Variants in CNKSR3 observed in about 807,000 individuals in gnomAD.
The protein encoded by CNKSR3 is CNKSR family member 3.
CNKSR3 carries 36 observed loss-of-function variants against 67.7 expected under a neutral mutation model. The ratio of observed to expected loss-of-function variants is 0.53; its 90% CI spans 0.41 to 0.70. CNKSR3 has a LOEUF of 0.70. Among genes scored for constraint, CNKSR3 ranks in the 30% least tolerant of loss-of-function variants. The pLI is 0.00. For missense variants in CNKSR3, 630 were observed against 695.2 expected (o/e 0.91, Z 1.05); for synonymous variants, 281 against 271.4 (o/e 1.04, Z -0.35).
At position 154,399,703 on chromosome 6, in the gene CNKSR3, C is replaced by T. The variant is rs545930570; in HGVS notation, c.*6651G>A. The T allele has an allele frequency of 6.6e-6, 1 of 152,112 alleles. No individual in the cohort carries two copies. Among genetic ancestry groups the T allele is most frequent in the Non-Finnish European group, 1.5e-5 (1 of 68,022 alleles). The allele number at this position is 152,112 out of a possible 1,614,324, so 9.4% of individuals were successfully genotyped here. A position where few individuals can be genotyped will look rare whatever the true frequency, so the allele number is the denominator to read the frequency against. Reference sequence around the variant, plus strand: ...TTTAGATATGAGTAAGAAAACGGAACCTGACACTGAGTTAAAAGGACAATT... The same window carrying T: ...TTTAGATATGAGTAAGAAAACGGAATCTGACACTGAGTTAAAAGGACAATT... On this transcript the variant is annotated 3_prime_UTR_variant, in exon 13 of 13. Transcript: ENST00000607772.
Position 154,510,356 on chromosome 6 carries a change from G to A in CNKSR3, c.-242C>T. The A allele has an allele frequency of 1.8e-6, 1 of 541,922 alleles. No individual in the cohort carries two copies. The highest frequency in any genetic ancestry group is 3.2e-6 in the Non-Finnish European group (1 of 309,194). The allele number at this position is 541,922 out of a possible 1,614,324, so 33.6% of individuals were successfully genotyped here. ...GCTCCTCCTTCCCCCGCCGCCGCCG[G>A]GATCCCGGGCACAGCTGCTGCTCCC... is the stretch of plus-strand genomic sequence containing the variant. On this transcript the variant is annotated 5_prime_UTR_variant, in exon 1 of 13. Transcript: ENST00000607772.
intron 4 of CNKSR3, among the ~76,000 whole-genome samples, chr6:154,434,684 C>G (rs1056227717): frequency 3.3e-5 from 5 of 151,978 alleles, no homozygotes; most frequent in African/African-American, 1.2e-4. Flanking sequence ...AAAAGAGCAG[C>G]CTAGAGAGAA....
rs1784573284 is a variant in CNKSR3, at chr6:154,388,488, C to T, written c.*17866G>A. 6.6e-6 allele frequency: 1 copy of T among 152,054 alleles called. No homozygotes were observed. Among genetic ancestry groups the T allele is most frequent in the Non-Finnish European group, 1.5e-5 (1 of 68,016 alleles). The allele number at this position is 152,054 out of a possible 1,614,324, so 9.4% of individuals were successfully genotyped here. A position where few individuals can be genotyped will look rare whatever the true frequency, so the allele number is the denominator to read the frequency against. ...GCAATGAACCTGCAAATGCTAATAC[C>T]TCTTTGGGATCCTGATTTCAATTTT... On this transcript the variant is annotated 3_prime_UTR_variant, in exon 13 of 13. Coordinates refer to ENST00000607772, the MANE Select transcript of CNKSR3 (RefSeq NM_173515.4).
chr6:154,508,448 G>A lies in CNKSR3; in HGVS notation c.52+1615C>T, dbSNP rs1227539373. On this transcript the variant is annotated intron_variant, in intron 1 of 12. Transcript: ENST00000607772. ...TACTGGTTACTAAGTTGGACAGAGC[G>A]GCTCTAGAAGTCAACAGTAGCTGAA... Among the ~76,000 whole-genome samples the A allele has an allele frequency of 3.3e-5, 5 of 152,188 alleles. No individual in the cohort carries two copies. The South Asian group carries it at 1.0e-3, about 32-fold the overall frequency.
intron 1 of CNKSR3, among the ~76,000 whole-genome samples, chr6:154,463,447 C>T (rs1786127418): frequency 6.6e-6 from 1 of 152,186 alleles, no homozygotes; most frequent in African/African-American, 2.4e-5. Context: ...GGGTATTCAC[C>T]GTGGGAAATG....
rs1171789861 is a variant in CNKSR3, at chr6:154,442,222, T to C, written c.285A>G (p.Leu95=). Residue 95 remains leucine (L), a synonymous_variant, in exon 3 of 13, where the codon TTA becomes TTG. Coordinates refer to ENST00000607772, the MANE Select transcript of CNKSR3 (RefSeq NM_173515.4). ...TCCGTCGGCTACTTATGTAATTCTG[T>C]AAATTGTGGGAAGATGCTCTCAGTT... is the stretch of plus-strand genomic sequence containing the variant. ...VLKLRASSHN[L]QNYISSRRKS... 3.1e-6 allele frequency: 5 copies of C among 1,614,214 alleles called. No individual in the cohort carries two copies. The highest frequency in any genetic ancestry group is 3.3e-5 in the Admixed American group (2 of 60,030).
At chr6:154,414,824 G>A (rs999276029) in intron 9 of CNKSR3, 18 of 475,000 alleles carry the variant, frequency 3.8e-5, no homozygotes, top group African/African-American at 5.9e-5. Flanking sequence ...TGGGCACGGC[G>A]GTTCTTGCCT....
intron 1 of CNKSR3, among the ~76,000 whole-genome samples, 175 bp downstream of exon 1, chr6:154,509,888 G>C (rs987847531): frequency 6.6e-6 from 1 of 152,194 alleles, no homozygotes; most frequent in Non-Finnish European, 1.5e-5. Context: ...GAAGAGCTCG[G>C]AGCAGGTACG....
At chr6:154,441,119 C>T (rs188338490) in intron 4 of CNKSR3, among the ~76,000 whole-genome samples, 173 bp downstream of exon 4, 1 of 151,684 alleles carries the variant, frequency 6.6e-6, no homozygotes, top group East Asian at 1.9e-4. Context: ...GAGAAACCAT[C>T]TTTACAATGA....
rs1562325240 is a variant in CNKSR3 at position 154,422,821 on chromosome 6, T to A, written c.798+94A>T. On this transcript the variant is annotated intron_variant, in intron 8 of 12. Coordinates refer to ENST00000607772, the MANE Select transcript of CNKSR3 (RefSeq NM_173515.4). ...CAACCTAAAATAATGAAAAATAGGA[T>A]ATAAGCGGCAAATTTTAAAAATTTA... The A allele has an allele frequency of 4.9e-6, 6 of 1,215,484 alleles. No homozygotes were observed. In the East Asian group the frequency reaches 1.4e-4, roughly 29 times the overall value. The allele number at this position is 1,215,484 out of a possible 1,614,324, so 75.3% of individuals were successfully genotyped here.
rs1440414247 is a variant in CNKSR3, at chr6:154,405,494, T to C, written c.*860A>G. On this transcript the variant is annotated 3_prime_UTR_variant, in exon 13 of 13. Transcript: ENST00000607772. ...AGATATTTCTAATTAGCAAACTGTG[T>C]ACAATTTTGAAGAAGTGTACACACC... 6.6e-6 allele frequency: 1 copy of C among 152,396 alleles called. No individual in the cohort carries two copies. Among genetic ancestry groups the C allele is most frequent in the Admixed American group, 6.5e-5 (1 of 15,286 alleles). The allele number at this position is 152,396 out of a possible 1,614,324, so 9.4% of individuals were successfully genotyped here.
At chr6:154,452,899 CT>C (rs1476055494) in intron 1 of CNKSR3, among the ~76,000 whole-genome samples, 1 of 152,264 alleles carries the variant, frequency 6.6e-6, no homozygotes, top group Non-Finnish European at 1.5e-5. Flanking sequence ...TCTCAGACTT[CT>C]AGCCTCCAAA....
In CNKSR3 at chr6:154,406,235, A is replaced by G; in HGVS notation, c.*119T>C. 4 of 966,160 alleles carry G rather than the reference A, an allele frequency of 4.1e-6. No individual in the cohort carries two copies. Among genetic ancestry groups the G allele is most frequent in the Non-Finnish European group, 4.5e-6 (3 of 659,942 alleles). The allele number at this position is 966,160 out of a possible 1,614,324, so 59.8% of individuals were successfully genotyped here. ...AGGGCAGTAGATAACTTTTCAAAAGAAAAAGAAATTGCATAAGGTCCCTAC... is the reference window on the plus strand; with the variant it reads ...AGGGCAGTAGATAACTTTTCAAAAGGAAAAGAAATTGCATAAGGTCCCTAC... On this transcript the variant is annotated 3_prime_UTR_variant, in exon 13 of 13. Coordinates refer to ENST00000607772, the MANE Select transcript of CNKSR3 (RefSeq NM_173515.4).
At chr6:154,411,790 C>A (rs573098323) in intron 10 of CNKSR3, among the ~76,000 whole-genome samples, 4 of 151,942 alleles carry the variant, frequency 2.6e-5, no homozygotes, top group Non-Finnish European at 4.4e-5. Context: ...TATGCTCTAG[C>A]GAACCACGTT....
At chr6:154,423,521 G>T (rs1469186223) in intron 7 of CNKSR3, among the ~76,000 whole-genome samples, 1 of 152,144 alleles carries the variant, frequency 6.6e-6, no homozygotes, top group Non-Finnish European at 1.5e-5. Flanking sequence ...GCCTCCCAAA[G>T]TGCTGGGATT....
At chr6:154,466,858 C>T (rs1214315364) in intron 1 of CNKSR3, among the ~76,000 whole-genome samples, 1 of 150,986 alleles carries the variant, frequency 6.6e-6, no homozygotes, top group Non-Finnish European at 1.5e-5. Context: ...CTCCTGGGCT[C>T]AAGTGATCCA....
intron 1 of CNKSR3, among the ~76,000 whole-genome samples, chr6:154,497,810 G>GGA (rs5881087): frequency 5.3e-5 from 8 of 151,878 alleles, no homozygotes; most frequent in Admixed American, 1.3e-4. Flanking sequence ...AACTGAAGCT[G>GGA]GTGTTTCTTG....
At chr6:154,509,680 G>A (rs1227271556) in intron 1 of CNKSR3, among the ~76,000 whole-genome samples, 1 of 152,158 alleles carries the variant, frequency 6.6e-6, no homozygotes, top group Non-Finnish European at 1.5e-5. Context: ...CCACACAAAG[G>A]CACCTTGTGC....
rs1259050211 is a variant in CNKSR3 at position 154,430,952 on chromosome 6, TA to T, written c.550-362del. Among the ~76,000 whole-genome samples, 774 of 133,850 alleles carry T rather than the reference TA, an allele frequency of 5.8e-3. 2 individuals carry two copies. Among genetic ancestry groups the T allele is most frequent in the Middle Eastern group, 0.011 (3 of 262 alleles). 87.8% of individuals were successfully genotyped at this position (133,850 alleles called of 152,430 possible). On this transcript the variant is annotated intron_variant, in intron 5 of 12. Coordinates refer to ENST00000607772, the MANE Select transcript of CNKSR3 (RefSeq NM_173515.4). ...CTCTGAATACCAAATATTGACAAGG[TA>T]AAAAAAAAAAAAAATTGTTTTGAGA... is the stretch of plus-strand genomic sequence containing the variant.
Sources: gnomAD v4.1 joint callset for allele counts (sites outside exome capture counted in the v4.1 genomes callset) on GRCh38, gnomAD v4.1.1 for gene constraint, MANE v1.5 for transcripts, NCBI Gene and HGNC (gene_info 2026-07-23, HGNC 2026-07-21) for gene names.